Variants in ESR1 observed in about 807,000 individuals in gnomAD.
The protein encoded by ESR1 is estrogen receptor.
In ESR1, 12 loss-of-function variants were observed where a neutral mutation model predicts 52.7. The observed-to-expected ratio is 0.23, with a 90% CI of 0.15 to 0.37. ESR1 has a LOEUF of 0.37. Among genes scored for constraint, ESR1 ranks in the 10% least tolerant of loss-of-function variants. ESR1 has a pLI of 1.00. For missense variants in ESR1, 584 were observed against 779.7 expected, an observed-to-expected ratio of 0.75 and a Z score of 2.99; for synonymous variants, 305 against 316.8, an observed-to-expected ratio of 0.96 and a Z score of 0.39.
intron 1 of ESR1, among the ~76,000 whole-genome samples, chr6:151,829,433 T>G (rs919668345): frequency 6.6e-6 from 1 of 152,202 alleles, no homozygotes; most frequent in Non-Finnish European, 1.5e-5. Flanking sequence ...TGATTTTTTT[T>G]GTGGGAAAAT....
intron 3 of ESR1, among the ~76,000 whole-genome samples, chr6:151,914,495 G>T (rs1167745203): frequency 6.6e-6 from 1 of 152,122 alleles, no homozygotes; most frequent in Non-Finnish European, 1.5e-5. Flanking sequence ...ATAATACCAA[G>T]AAATAATAAG....
Position 151,676,833 on chromosome 6 carries a change from A to G in ESR1, n.73+20070A>G, listed in dbSNP as rs1778269414. 4.6e-5 allele frequency among the ~76,000 whole-genome samples: 7 copies of G among 152,176 alleles called. 1 individual carries two copies. The South Asian group carries it at 1.4e-3, about 32-fold the overall frequency. On this transcript the variant is annotated intron_variant and non_coding_transcript_variant, in intron 1 of 2. Transcript: ENST00000473497. Reference sequence around the variant, plus strand: ...TCCTAGCAGATGGCTGCTTATCTCAAGACACATATATTCACCAAAATCCTA... The same window carrying G: ...TCCTAGCAGATGGCTGCTTATCTCAGGACACATATATTCACCAAAATCCTA...
chr6:151,967,928 T>C (rs1452443282), intron 4 of ESR1, among the ~76,000 whole-genome samples: 1 of 152,240 alleles, frequency 6.6e-6, no homozygotes, highest in Non-Finnish European at 1.5e-5. Context: ...ATTTCTCTAA[T>C]GATCAGGGAT....
chr6:151,738,929 T>C lies in ESR1; in HGVS notation c.-71+36924T>C, dbSNP rs1782874542. On this transcript the variant is annotated intron_variant, in intron 2 of 2. Transcript: ENST00000404742. Reference sequence around the variant, plus strand: ...ATGTTGATACTCTGATTACCTCTATTCCTACCTCTGTTAGCTTAAAATATT... The same window carrying C: ...ATGTTGATACTCTGATTACCTCTATCCCTACCTCTGTTAGCTTAAAATATT... Among the ~76,000 whole-genome samples, 4 of 152,194 alleles carry C rather than the reference T, an allele frequency of 2.6e-5. No individual in the cohort carries two copies. In the South Asian group the frequency reaches 8.3e-4, roughly 32 times the overall value.
intron 1 of ESR1, among the ~76,000 whole-genome samples, chr6:151,834,503 A>G (rs1464717329): frequency 1.3e-5 from 2 of 152,178 alleles, no homozygotes; most frequent in African/African-American, 4.8e-5. Flanking sequence ...AACAATGAGA[A>G]CACATGGACA....
chr6:152,089,125 A>G (rs1389206710), intron 6 of ESR1, among the ~76,000 whole-genome samples: 1 of 152,234 alleles, frequency 6.6e-6, no homozygotes, highest in Non-Finnish European at 1.5e-5. Flanking sequence ...ACAAAAAAAC[A>G]TGTAAGAGGC....
chr6:152,072,845 C>T (rs916540260), intron 6 of ESR1, among the ~76,000 whole-genome samples: 1 of 152,226 alleles, frequency 6.6e-6, no homozygotes, highest in Admixed American at 6.5e-5. Context: ...TGACACGCAA[C>T]ACATCTGTCC....
intron 2 of ESR1, among the ~76,000 whole-genome samples, chr6:151,852,218 G>A (rs1583676548): frequency 6.6e-6 from 1 of 152,160 alleles, no homozygotes; most frequent in Admixed American, 6.5e-5. Context: ...GAATTATCCA[G>A]CAGCCACAGA....
intron 7 of ESR1, among the ~76,000 whole-genome samples, chr6:152,097,092 T>C (rs1247671222): frequency 6.6e-6 from 1 of 152,184 alleles, no homozygotes; most frequent in Non-Finnish European, 1.5e-5. Context: ...GTAGAGTTTC[T>C]GTTGGAATCG....
intron 1 of ESR1, among the ~76,000 whole-genome samples, chr6:151,682,897 A>G (rs1582880966): frequency 6.6e-6 from 1 of 152,234 alleles, no homozygotes; most frequent in South Asian, 2.1e-4. Context: ...CAAAAATTTT[A>G]TGAAATAGAA....
At chr6:152,043,681 A>G (rs376153098) in intron 5 of ESR1, among the ~76,000 whole-genome samples, 5 of 152,186 alleles carry the variant, frequency 3.3e-5, no homozygotes, top group African/African-American at 9.7e-5. Flanking sequence ...ATGGCAGCGC[A>G]GGTGGAGGAG....
At chr6:151,929,770 T>C (rs1026929202) in intron 3 of ESR1, among the ~76,000 whole-genome samples, 11 of 152,164 alleles carry the variant, frequency 7.2e-5, no homozygotes, top group East Asian at 1.9e-4. Context: ...GTTTGGTCTT[T>C]CTTAAAATTC....
chr6:151,945,173 G>T (rs2035558470), intron 4 of ESR1, among the ~76,000 whole-genome samples: 1 of 152,152 alleles, frequency 6.6e-6, no homozygotes, highest in South Asian at 2.1e-4. Flanking sequence ...AACCATGTTT[G>T]TGTGGAGTGC....
rs182282301 is a variant in ESR1 at position 151,877,394 on chromosome 6, A to C, written c.644-3261A>C. Among the ~76,000 whole-genome samples, 9 of 152,368 alleles carry C rather than the reference A, an allele frequency of 5.9e-5. No individual in the cohort carries two copies. In the East Asian group the frequency reaches 1.7e-3, roughly 29 times the overall value. On this transcript the variant is annotated intron_variant, in intron 2 of 7. Coordinates refer to ENST00000206249, the MANE Select transcript of ESR1 (RefSeq NM_000125.4). ...TAGTTGTTAATAGTGTTTGGTTAAT[A>C]AGAATTTGTTTTAATTGCATATATC...
intron 2 of ESR1, among the ~76,000 whole-genome samples, chr6:151,849,341 G>A (rs895181478): frequency 6.6e-6 from 1 of 152,036 alleles, no homozygotes; most frequent in African/African-American, 2.4e-5. Context: ...AGAATATGGC[G>A]AAGGGTCAGA....
At chr6:151,854,830 A>G (rs1787518525) in intron 2 of ESR1, among the ~76,000 whole-genome samples, 1 of 152,252 alleles carries the variant, frequency 6.6e-6, no homozygotes, top group African/African-American at 2.4e-5. Flanking sequence ...GATAAATTAT[A>G]GTTCATAAAA....
chr6:151,723,540 C>T (rs1171999524), intron 2 of ESR1, among the ~76,000 whole-genome samples: 1 of 152,160 alleles, frequency 6.6e-6, no homozygotes, highest in Non-Finnish European at 1.5e-5. Flanking sequence ...GATCTGATTG[C>T]TCCTTCACCA....
intron 4 of ESR1, chr6:151,983,320 T>G (rs1459900123): frequency 1.3e-5 from 2 of 152,182 alleles, no homozygotes; most frequent in Non-Finnish European, 2.9e-5. Context: ...AACAGTAGAC[T>G]TCTTTAATTA....
chr6:151,721,124 C>A (rs188480479), intron 2 of ESR1, among the ~76,000 whole-genome samples: 3 of 152,232 alleles, frequency 2.0e-5, no homozygotes, highest in South Asian at 2.1e-4. Context: ...TTAACTTTGT[C>A]CAATGAAGTC....
Sources: allele counts gnomAD v4.1 joint callset (sites outside exome capture counted in the v4.1 genomes callset), GRCh38; gene constraint gnomAD v4.1.1; transcripts MANE v1.5; gene names NCBI Gene and HGNC (gene_info 2026-07-23, HGNC 2026-07-21).